USP50: variants seen among roughly 807,000 people sequenced by gnomAD.
USP50 encodes the protein ubiquitin carboxyl-terminal hydrolase 50.
In USP50, 37 loss-of-function variants were observed where a neutral mutation model predicts 39.2. That is an observed-to-expected ratio of 0.94 (90% CI 0.73 to 1.24). USP50 has a LOEUF of 1.24. Ranked by LOEUF, USP50 falls within the 50% of genes most tolerant of loss-of-function variation. The pLI, the probability that USP50 is intolerant of heterozygous loss-of-function variation, is 0.00. For missense variants in USP50, 374 were observed against 398.2 expected (o/e 0.94, Z 0.52); for synonymous variants, 139 against 144.5 (o/e 0.96, Z 0.27).
intron 6 of USP50, 76 bp downstream of exon 6, chr15:50,529,721 G>GA: frequency 6.6e-7 from 1 of 1,507,372 alleles, no homozygotes; most frequent in Non-Finnish European, 8.9e-7. Context: ...AGAGACAGGA[G>GA]AAATAGGGAT....
intron 6 of USP50, among the ~76,000 whole-genome samples, chr15:50,526,968 C>T (rs1043071804): frequency 6.6e-5 from 10 of 152,120 alleles, no homozygotes; most frequent in African/African-American, 2.2e-4. Context: ...TGTAAGTGTT[C>T]GTAAAATAAA....
At chr15:50,540,686 C>T (rs1306424423) in intron 4 of USP50, among the ~76,000 whole-genome samples, 5 of 152,080 alleles carry the variant, frequency 3.3e-5, no homozygotes, top group African/African-American at 1.2e-4. Context: ...TGCAGTAGTG[C>T]GATCTTGGCT....
downstream of USP50, chr15:50,500,127 C>T (rs2052555738): frequency 6.6e-6 from 1 of 152,074 alleles, no homozygotes; most frequent in African/African-American, 2.4e-5. Context: ...AGAAAGAGAC[C>T]ACCATTAGCA....
intron 6 of USP50, among the ~76,000 whole-genome samples, chr15:50,525,640 ATG>A (rs1388858858): frequency 1.8e-5 from 2 of 110,470 alleles, no homozygotes; most frequent in East Asian, 2.5e-4. Context: ...ATATATGTAT[ATG>A]TGTATATGTA....
downstream of USP50, chr15:50,499,142 T>C: frequency 3.3e-6 from 5 of 1,494,068 alleles, no homozygotes; most frequent in South Asian, 4.0e-5. Context: ...AACACAACTC[T>C]TGAAATGCTT....
At chr15:50,530,018 A>ATT (rs79153765) in intron 5 of USP50, 89 bp from the exon 6 acceptor site, 339,750 of 1,551,398 alleles carry the variant, frequency 0.22, 40,266 homozygotes, top group East Asian at 0.42. Context: ...TTTAAAAGTA[A>ATT]TTTCTTGACT....
chr15:50,537,670 G>A lies in USP50; in HGVS notation c.803+1039C>T, dbSNP rs560359481. Among the ~76,000 whole-genome samples, 7 of 149,670 alleles carry A rather than the reference G, an allele frequency of 4.7e-5. No homozygotes were observed. The Admixed American group carries it at 4.7e-4, about 10-fold the overall frequency. On this transcript the variant is annotated intron_variant, in intron 5 of 6. Transcript: ENST00000532404. ...GCTCAGGAGTTCAAGACCAGCCTGG[G>A]CAACATGGTGAAAACCTGTCTCTAC...
At chr15:50,526,541 A>G (rs764574544) in intron 6 of USP50, among the ~76,000 whole-genome samples, 1 of 152,228 alleles carries the variant, frequency 6.6e-6, no homozygotes, top group African/African-American at 2.4e-5. Context: ...TTGAAGGAAC[A>G]TGTATAAGAA....
chr15:50,496,714 A>AT (rs2052427275), downstream of USP50, among the ~76,000 whole-genome samples: 1 of 152,198 alleles, frequency 6.6e-6, no homozygotes, highest in Non-Finnish European at 1.5e-5. Flanking sequence ...TTTGCTTTAC[A>AT]TGGGGATATC....
chr15:50,499,197 G>C, downstream of USP50: 2 of 1,100,436 alleles, frequency 1.8e-6, no homozygotes, highest in South Asian at 1.8e-5. Flanking sequence ...AGGAATTCTA[G>C]GACAGTGGGA....
intron 6 of USP50, among the ~76,000 whole-genome samples, chr15:50,515,152 A>C (rs1392928738): frequency 6.6e-6 from 1 of 152,074 alleles, no homozygotes; most frequent in Non-Finnish European, 1.5e-5. Context: ...GTTCAATTCT[A>C]CCAGATTTTC....
downstream of USP50, chr15:50,497,039 T>C (rs181247796): frequency 3.3e-4 from 519 of 1,559,312 alleles, 1 homozygote; most frequent in African/African-American, 6.4e-3. Context: ...TCTCTGACAT[T>C]ATTGAAGAAT....
Position 50,543,719 on chromosome 15 carries a change from G to A in USP50, c.323C>T (p.Ser108Leu), listed in dbSNP as rs558253574. The change falls in exon 3 of 7, where the codon TCA (serine) becomes TTA (leucine). Residue 108 changes from serine (S) to leucine (L), a missense_variant. Ser to Leu is a moderately radical substitution (Grantham distance 145). Coordinates refer to ENST00000532404, the MANE Select transcript of USP50 (RefSeq NM_203494.5). ...AAGAGCTGACCAGAATATTTCTGGT[G>A]AGACACAGTCTGAGTCTCCCAGCCA... Reference protein sequence around the residue: ...DMWLGDSDCVSPEIFWSALGN... With the variant: ...DMWLGDSDCVLPEIFWSALGN... The A allele has an allele frequency of 1.9e-6, 3 of 1,611,574 alleles. No individual in the cohort carries two copies. The highest frequency in any genetic ancestry group is 2.2e-5 in the East Asian group (1 of 44,844).
At position 50,500,749 on chromosome 15, in the gene USP50, C is replaced by A. The variant is rs778812970; in HGVS notation, c.*20G>T. ...AGAAGTATCTGGAATCTCACTGACT[C>A]GTGTGTTATCAAAGCTATATCAGGC... On this transcript the variant is annotated 3_prime_UTR_variant, in exon 7 of 7. Coordinates refer to ENST00000532404, the MANE Select transcript of USP50 (RefSeq NM_203494.5). 1 of 1,574,662 alleles carries A rather than the reference C, an allele frequency of 6.4e-7. No individual in the cohort carries two copies. The highest frequency in any genetic ancestry group is 8.6e-7 in the Non-Finnish European group (1 of 1,158,778).
At position 50,529,872 on chromosome 15, in the gene USP50, G is replaced by C. The variant is rs780634901; in HGVS notation, c.861C>G (p.Leu287=). 2 of 1,613,874 alleles carry C rather than the reference G, an allele frequency of 1.2e-6. No individual in the cohort carries two copies. Among genetic ancestry groups the C allele is most frequent in the Middle Eastern group, 1.6e-4 (1 of 6,084 alleles). The change falls in exon 6 of 7, where the codon CTC becomes CTG. Residue 287 remains leucine (L), a synonymous_variant. Coordinates refer to ENST00000532404, the MANE Select transcript of USP50 (RefSeq NM_203494.5). ...RKLRTDIHYP[L]TNLDLTPYIC... is the part of the protein sequence containing the mutation. ...TATAAGGAGTGAGGTCCAAGTTAGT[G>C]AGTGGGTAATGAATATCCGTTCTCA...
At chr15:50,535,290 A>G (rs975982314) in intron 5 of USP50, among the ~76,000 whole-genome samples, 2 of 152,190 alleles carry the variant, frequency 1.3e-5, no homozygotes, top group Non-Finnish European at 2.9e-5. Context: ...GTTAAACTCA[A>G]CGACACCATC....
At chr15:50,495,061 CAT>C (rs1488149846) in intron 1 of USP50, among the ~76,000 whole-genome samples, 1 of 150,884 alleles carries the variant, frequency 6.6e-6, no homozygotes, top group Non-Finnish European at 1.5e-5. Flanking sequence ...CCAAATGACT[CAT>C]GTGACTAGTT....
At chr15:50,494,186 G>T (rs372709153) in intron 1 of USP50, 1 of 1,613,760 alleles carries the variant, frequency 6.2e-7, no homozygotes, top group African/African-American at 1.3e-5. Context: ...ATCACCATTG[G>T]GAAGATCAAT....
chr15:50,507,503 T>C (rs2052678449), intron 6 of USP50: 1 of 152,160 alleles, frequency 6.6e-6, no homozygotes, highest in Non-Finnish European at 1.5e-5. Flanking sequence ...GTCCCTAAGA[T>C]AGAATGCATT....
Sources: allele counts gnomAD v4.1 joint callset (sites outside exome capture counted in the v4.1 genomes callset), GRCh38; gene constraint gnomAD v4.1.1; transcripts MANE v1.5; gene names NCBI Gene and HGNC (gene_info 2026-07-23, HGNC 2026-07-21).